MMP1: variants seen among roughly 807,000 people sequenced by gnomAD.
MMP1 encodes matrix metallopeptidase 1.
Under a neutral mutation model 49.6 loss-of-function variants are expected in MMP1, and 51 were observed. That is an observed-to-expected ratio of 1.03 (90% CI 0.82 to 1.30). The LOEUF is 1.30. Ranked by LOEUF, MMP1 falls within the 50% of genes most tolerant of loss-of-function variation. MMP1 has a pLI of 0.00. For missense variants in MMP1, 623 were observed against 568.7 expected, an observed-to-expected ratio of 1.10 and a Z score of -0.97; for synonymous variants, 230 against 196.8, an observed-to-expected ratio of 1.17 and a Z score of -1.41.
rs368880050 is a variant in MMP1, at chr11:102,790,664, C to T, written c.1300+39G>A. 189 of 1,425,052 alleles carry T rather than the reference C, an allele frequency of 1.3e-4. No homozygotes were observed. In the South Asian group the frequency reaches 1.6e-3, roughly 12 times the overall value. 88.3% of individuals were successfully genotyped at this position (1,425,052 alleles called of 1,614,324 possible). A position where few individuals can be genotyped will look rare whatever the true frequency, so the allele number is the denominator to read the frequency against. On this transcript the variant is annotated intron_variant, in intron 9 of 9. Transcript: ENST00000315274. Reference sequence around the variant, plus strand: ...ACTAACAATAATGATGTTATTGCTACGGCAATGAAATGGAGGAAATACATG... The same window carrying T: ...ACTAACAATAATGATGTTATTGCTATGGCAATGAAATGGAGGAAATACATG...
Position 102,796,872 on chromosome 11 carries a change from G to A in MMP1, c.500-83C>T, listed in dbSNP as rs535183894. ...GGGCAAGCATTAGCTTTGTTAAGAG[G>A]CCAACAGACTTCCATCAACTGTGAT... On this transcript the variant is annotated intron_variant, in intron 3 of 9. Transcript: ENST00000315274. The A allele has an allele frequency of 3.0e-5, 46 of 1,551,144 alleles. No individual in the cohort carries two copies. The South Asian group carries it at 4.2e-4, about 14-fold the overall frequency.
In MMP1 at chr11:102,790,395, A is replaced by G; in HGVS notation, c.*17T>C. The G allele has an allele frequency of 1.4e-6, 2 of 1,478,672 alleles. No homozygotes were observed. The highest frequency in any genetic ancestry group is 1.9e-6 in the Non-Finnish European group (2 of 1,068,052). The allele number at this position is 1,478,672 out of a possible 1,614,324, so 91.6% of individuals were successfully genotyped here. On this transcript the variant is annotated 3_prime_UTR_variant, in exon 10 of 10. Coordinates refer to ENST00000315274, the MANE Select transcript of MMP1 (RefSeq NM_002421.4). ...TTTGGACTCACACCATGTGTTTTCC[A>G]TTCAAATTAGTAATGTTCAATTTTT...
chr11:102,797,577 A>T, intron 1 of MMP1, 77 bp from the exon 2 acceptor site: 1 of 1,553,666 alleles, frequency 6.4e-7, no homozygotes, highest in Non-Finnish European at 8.7e-7. Context: ...ATTAAGTTTT[A>T]GCCAAAACAG....
Position 102,794,330 on chromosome 11 carries a change from T to C in MMP1, c.899+844A>G, listed in dbSNP as rs1168115919. ...CCTTTCAGGCCACCCTGAATTTCTA[T>C]GTGTTGATCTTTCTGTGGACTGCAT... is the stretch of plus-strand genomic sequence containing the variant. On this transcript the variant is annotated intron_variant, in intron 6 of 9. Transcript: ENST00000315274. This position sits in a 1 kb window ranked among gnomAD's most constrained non-coding sequence, Gnocchi z 4.3. 6.6e-6 allele frequency among the ~76,000 whole-genome samples: 1 copy of C among 152,216 alleles called. No homozygotes were observed. The highest frequency in any genetic ancestry group is 1.5e-5 in the Non-Finnish European group (1 of 68,044).
Position 102,794,334 on chromosome 11 carries a change from T to C in MMP1, c.899+840A>G, listed in dbSNP as rs1858117824. Among the ~76,000 whole-genome samples, 1 of 152,228 alleles carries C rather than the reference T, an allele frequency of 6.6e-6. No individual in the cohort carries two copies. On this transcript the variant is annotated intron_variant, in intron 6 of 9. Coordinates refer to ENST00000315274, the MANE Select transcript of MMP1 (RefSeq NM_002421.4). The surrounding 1 kb of genome is among the most constrained non-coding windows in gnomAD (Gnocchi z 4.3). ...TCAGGCCACCCTGAATTTCTATGTGTTGATCTTTCTGTGGACTGCATCATT... is the reference window on the plus strand; with the variant it reads ...TCAGGCCACCCTGAATTTCTATGTGCTGATCTTTCTGTGGACTGCATCATT...
chr11:102,797,341 G>T lies in MMP1; in HGVS notation c.265C>A (p.Gln89Lys). Residue 89 changes from glutamine to lysine, a missense_variant, in exon 2 of 10, where the codon CAG (glutamine) becomes AAG (lysine). Physicochemically the swap from Gln to Lys is moderately conservative, Grantham distance 53. Transcript: ENST00000315274. Reference protein sequence around the residue: ...PDAETLKVMKQPRCGVPDVAQ... With the variant: ...PDAETLKVMKKPRCGVPDVAQ... ...ACATCAGGCACTCCACATCTGGGCT[G>T]CTTCATCACCTTCAGGGTTTCAGCA... 6.2e-7 allele frequency: 1 copy of T among 1,614,170 alleles called. No individual in the cohort carries two copies.
Position 102,797,127 on chromosome 11 carries a change from T to C in MMP1, c.386A>G (p.Asp129Gly), listed in dbSNP as rs1438334407. Reference sequence around the variant, plus strand: ...GGCTTTCTCAATGGCATGGTCCACATCTGCTCTTGGCAAATCTGGCGTGTA... The same window carrying C: ...GGCTTTCTCAATGGCATGGTCCACACCTGCTCTTGGCAAATCTGGCGTGTA... Reference protein sequence around the residue: ...ENYTPDLPRADVDHAIEKAFQ... With the variant: ...ENYTPDLPRAGVDHAIEKAFQ... The change falls in exon 3 of 10, where the codon GAT becomes GGT. Residue 129 changes from aspartate to glycine, a missense_variant. Coordinates refer to ENST00000315274, the MANE Select transcript of MMP1 (RefSeq NM_002421.4). 6.2e-7 allele frequency: 1 copy of C among 1,614,090 alleles called. No homozygotes were observed. The highest frequency in any genetic ancestry group is 1.7e-5 in the Admixed American group (1 of 59,994).
In MMP1 at chr11:102,794,427, C is replaced by G; in HGVS notation, c.899+747G>C. 6.6e-6 allele frequency among the ~76,000 whole-genome samples: 1 copy of G among 152,206 alleles called. No individual in the cohort carries two copies. Among genetic ancestry groups the G allele is most frequent in the East Asian group, 1.9e-4 (1 of 5,200 alleles). Reference sequence around the variant, plus strand: ...TTATTTTGCCTGATCCTTTAGGAATCACTATGGTACAGAGAGCAGGCCTCC... The same window carrying G: ...TTATTTTGCCTGATCCTTTAGGAATGACTATGGTACAGAGAGCAGGCCTCC... On this transcript the variant is annotated intron_variant, in intron 6 of 9. Coordinates refer to ENST00000315274, the MANE Select transcript of MMP1 (RefSeq NM_002421.4). This position sits in a 1 kb window ranked among gnomAD's most constrained non-coding sequence, Gnocchi z 4.3.
Position 102,797,581 on chromosome 11 carries a change from A to C in MMP1, c.106-81T>G, listed in dbSNP as rs1036456130. On this transcript the variant is annotated intron_variant, in intron 1 of 9. Coordinates refer to ENST00000315274, the MANE Select transcript of MMP1 (RefSeq NM_002421.4). The stretch of plus-strand genomic sequence containing the variant: ...AAATTGATGGCATTAAGTTTTAGCC[A>C]AAACAGAGAACTGCTTTTAAACCTT... The C allele has an allele frequency of 5.2e-6, 8 of 1,535,548 alleles. No homozygotes were observed. The Admixed American group carries it at 7.3e-5, about 14-fold the overall frequency.
chr11:102,790,365 C>G lies in MMP1; in HGVS notation c.*47G>C. The stretch of plus-strand genomic sequence containing the variant: ...AAATAGACAGTTCTTCAGGAAAACA[C>G]CTTCTTTGGACTCACACCATGTGTT... On this transcript the variant is annotated 3_prime_UTR_variant, in exon 10 of 10. Transcript: ENST00000315274. 8.7e-7 allele frequency: 1 copy of G among 1,147,588 alleles called. No individual in the cohort carries two copies. 71.1% of individuals were successfully genotyped at this position (1,147,588 alleles called of 1,614,324 possible). A position where few individuals can be genotyped will look rare whatever the true frequency, so the allele number is the denominator to read the frequency against.
In MMP1 at chr11:102,790,823, T is replaced by TA; in HGVS notation, c.1197-18dup. 1 of 1,447,524 alleles carries TA rather than the reference T, an allele frequency of 6.9e-7. No individual in the cohort carries two copies. Among genetic ancestry groups the TA allele is most frequent in the Non-Finnish European group, 9.7e-7 (1 of 1,030,038 alleles). The allele number at this position is 1,447,524 out of a possible 1,614,324, so 89.7% of individuals were successfully genotyped here. On this transcript the variant is annotated splice_polypyrimidine_tract_variant and intron_variant, in intron 8 of 9. Coordinates refer to ENST00000315274, the MANE Select transcript of MMP1 (RefSeq NM_002421.4). ...TCATCATACCTGGTCAGAAAAGAGT[T>TA]AAGAGTGTCAGACCTTTTGCTAAAC...
rs766154982 is a variant in MMP1, at chr11:102,796,767, A to G, written c.522T>C (p.Phe174=). Residue 174 remains phenylalanine (F), a synonymous_variant, in exon 4 of 10, where the codon TTT becomes TTC. Transcript: ENST00000315274. ...VRGDHRDNSP[F]DGPGGNLAHA... ...GAGCAAGATTTCCTCCAGGTCCATC[A>G]AAAGGAGAGTTGTCCCGATGATCTG... 4 of 1,613,802 alleles carry G rather than the reference A, an allele frequency of 2.5e-6. No homozygotes were observed. Among genetic ancestry groups the G allele is most frequent in the Non-Finnish European group, 3.4e-6 (4 of 1,179,938 alleles).
rs778606641 is a variant in MMP1, at chr11:102,798,008, G to T, written c.85C>A (p.Gln29Lys). ...SFPATLETQE[Q>K]DVDLVQKYLE... is the part of the protein sequence containing the mutation. ...TTTACCTGGACTAAGTCCACATCTT[G>T]CTCTTGTGTTTCTAGAGTCGCTGGG... The change falls in exon 1 of 10, where the codon CAA becomes AAA. Residue 29 changes from glutamine (Q) to lysine (K), a missense_variant. Coordinates refer to ENST00000315274, the MANE Select transcript of MMP1 (RefSeq NM_002421.4). 6 of 1,612,996 alleles carry T rather than the reference G, an allele frequency of 3.7e-6. No individual in the cohort carries two copies. Among genetic ancestry groups the T allele is most frequent in the Non-Finnish European group, 5.1e-6 (6 of 1,179,396 alleles).
intron 8 of MMP1, 81 bp downstream of exon 8, chr11:102,791,252 G>C: frequency 6.7e-7 from 1 of 1,486,832 alleles, no homozygotes; most frequent in Non-Finnish European, 9.3e-7. Context: ...GGCAGTTTGA[G>C]ACTCACTTTG....
At position 102,790,179 on chromosome 11, in the gene MMP1, A is replaced by C. The variant is rs565002389; in HGVS notation, c.*233T>G. The C allele has an allele frequency of 1.7e-5, 6 of 346,854 alleles. No homozygotes were observed. Among genetic ancestry groups the C allele is most frequent in the Non-Finnish European group, 3.1e-5 (6 of 191,840 alleles). The allele number at this position is 346,854 out of a possible 1,614,324, so 21.5% of individuals were successfully genotyped here. On this transcript the variant is annotated 3_prime_UTR_variant, in exon 10 of 10. Transcript: ENST00000315274. Reference sequence around the variant, plus strand: ...TTGCAACTCTGGCCTATATGAATCCATAAGCCACAAACTTGACTTTTTGTA... The same window carrying C: ...TTGCAACTCTGGCCTATATGAATCCCTAAGCCACAAACTTGACTTTTTGTA...
chr11:102,796,403 T>C (rs768873586), intron 4 of MMP1, among the ~76,000 whole-genome samples: 1 of 152,254 alleles, frequency 6.6e-6, no homozygotes, highest in African/African-American at 2.4e-5. Context: ...AGTTTCAATG[T>C]TGATGCCCAC....
intron 6 of MMP1, 78 bp downstream of exon 6, chr11:102,795,096 G>A (rs1353613942): frequency 8.9e-7 from 1 of 1,121,946 alleles, no homozygotes; most frequent in African/African-American, 1.5e-5. Flanking sequence ...AGTAACATGT[G>A]AAGCATAATA....
At chr11:102,796,928 A>G (rs561973251) in intron 3 of MMP1, 86 bp downstream of exon 3, 5 of 1,542,610 alleles carry the variant, frequency 3.2e-6, no homozygotes, top group African/African-American at 2.7e-5. Flanking sequence ...CATAAAATCA[A>G]CATTCATCTT....
Position 102,797,991 on chromosome 11 carries a change from G to A in MMP1, c.102C>T (p.Val34=). 6.2e-7 allele frequency: 1 copy of A among 1,608,996 alleles called. No individual in the cohort carries two copies. Among genetic ancestry groups the A allele is most frequent in the South Asian group, 1.1e-5 (1 of 90,808 alleles). ...LETQEQDVDL[V]QKYLEKYYNL... is the part of the protein sequence containing the mutation. ...TCACATGCAATGCAGCATTTACCTG[G>A]ACTAAGTCCACATCTTGCTCTTGTG... The change falls in exon 1 of 10, where the codon GTC becomes GTT. Residue 34 remains valine, a synonymous_variant. Coordinates refer to ENST00000315274, the MANE Select transcript of MMP1 (RefSeq NM_002421.4).
Sources: allele counts gnomAD v4.1 joint callset (sites outside exome capture counted in the v4.1 genomes callset), GRCh38; gene constraint gnomAD v4.1.1; non-coding constraint Gnocchi (gnomAD v3.1); transcripts MANE v1.5; gene names NCBI Gene and HGNC (gene_info 2026-07-23, HGNC 2026-07-21).